The following AOPEP variants were observed in gnomAD, a reference collection of about 807,000 sequenced individuals.
AOPEP encodes the protein aminopeptidase O.
AOPEP carries 77 observed loss-of-function variants against 98.1 expected under a neutral mutation model. That is an observed-to-expected ratio of 0.78 (90% CI 0.65 to 0.95). The LOEUF (loss-of-function observed/expected upper bound fraction) is 0.95. AOPEP is among the 40% of genes least tolerant of loss of function. The probability of loss-of-function intolerance (pLI) is 0.00; values close to 1 mark genes in which losing one functional copy is unlikely to be tolerated. For synonymous variants in AOPEP, 346 were observed against 365.3 expected, an observed-to-expected ratio of 0.95 and a Z score of 0.60; for missense variants, 1,024 against 1,024.7, an observed-to-expected ratio of 1.00 and a Z score of 0.01.
intron 14 of AOPEP, among the ~76,000 whole-genome samples, chr9:95,066,964 T>A (rs1189993003): frequency 6.6e-6 from 1 of 152,184 alleles, no homozygotes. Flanking sequence ...CCACACAACT[T>A]TCTTTGAACA....
chr9:94,992,202 G>A (rs1327587230), intron 11 of AOPEP, among the ~76,000 whole-genome samples: 1 of 152,188 alleles, frequency 6.6e-6, no homozygotes, highest in Non-Finnish European at 1.5e-5. Flanking sequence ...TTGTTGAACT[G>A]CACAGATCCC....
At chr9:94,890,125 T>A (rs1176207483) in intron 5 of AOPEP, among the ~76,000 whole-genome samples, 1 of 152,012 alleles carries the variant, frequency 6.6e-6, no homozygotes, top group Non-Finnish European at 1.5e-5. Flanking sequence ...CCTCTCAGGT[T>A]CAAGCAATTC....
intron 13 of AOPEP, among the ~76,000 whole-genome samples, chr9:95,008,872 T>C (rs2132820613): frequency 6.6e-6 from 1 of 152,372 alleles, no homozygotes; most frequent in South Asian, 2.1e-4. Flanking sequence ...TTTTAGCCCT[T>C]GTTCTCCTGG....
At chr9:95,107,251 G>A in the AOPEP span, 2 of 1,613,990 alleles carry the variant, frequency 1.2e-6, no homozygotes, top group Non-Finnish European at 1.7e-6. Flanking sequence ...AGGTGGCCCA[G>A]CACGGCCTTC....
the AOPEP span, among the ~76,000 whole-genome samples, chr9:95,097,212 A>G: frequency 6.6e-6 from 1 of 152,228 alleles, no homozygotes; most frequent in Non-Finnish European, 1.5e-5. Context: ...GGGCTGTTTC[A>G]TGGGACGCAA....
intron 13 of AOPEP, among the ~76,000 whole-genome samples, chr9:95,045,098 G>A (rs546204238): frequency 2.0e-5 from 3 of 152,346 alleles, no homozygotes; most frequent in South Asian, 2.1e-4. Flanking sequence ...GCGTCACAGC[G>A]CTTGTGCCCA....
At chr9:95,124,404 G>A in the AOPEP span, among the ~76,000 whole-genome samples, 4 of 152,320 alleles carry the variant, frequency 2.6e-5, no homozygotes, top group East Asian at 5.8e-4. Flanking sequence ...CCTGTTTCAC[G>A]AGGTCCCTCT....
chr9:94,876,512 C>G (rs1177833919), intron 5 of AOPEP, among the ~76,000 whole-genome samples: 1 of 151,944 alleles, frequency 6.6e-6, no homozygotes, highest in African/African-American at 2.4e-5. Context: ...ACTACAGGCA[C>G]CCGCCACCAC....
intron 7 of AOPEP, chr9:94,931,611 C>T (rs2055317682): frequency 1.3e-6 from 1 of 751,356 alleles, no homozygotes; most frequent in Non-Finnish European, 2.2e-6. Flanking sequence ...AAAGAAGTCC[C>T]TTAAAAACAA....
At chr9:94,767,632 C>A (rs1306903827) in intron 2 of AOPEP, among the ~76,000 whole-genome samples, 1 of 152,204 alleles carries the variant, frequency 6.6e-6, no homozygotes, top group Non-Finnish European at 1.5e-5. Context: ...TCCATGTACA[C>A]AATCCTATAC....
At chr9:95,121,799 CAT>C in the AOPEP span, among the ~76,000 whole-genome samples, 4 of 151,562 alleles carry the variant, frequency 2.6e-5, no homozygotes, top group Non-Finnish European at 5.9e-5. Flanking sequence ...TTTAGGCAGT[CAT>C]ATATATGTGA....
At chr9:94,791,455 C>T (rs900840387) in intron 3 of AOPEP, among the ~76,000 whole-genome samples, 1 of 151,638 alleles carries the variant, frequency 6.6e-6, no homozygotes, top group Non-Finnish European at 1.5e-5. Context: ...ACTGCTTGAG[C>T]CCAGGAGTTC....
At chr9:94,889,033 C>T (rs1380709934) in intron 5 of AOPEP, among the ~76,000 whole-genome samples, 4 of 152,130 alleles carry the variant, frequency 2.6e-5, no homozygotes, top group Non-Finnish European at 5.9e-5. Flanking sequence ...AACCTCTCCT[C>T]TGTTCTCCTT....
intron 5 of AOPEP, among the ~76,000 whole-genome samples, chr9:94,811,265 G>C (rs1332832485): frequency 3.3e-5 from 5 of 152,144 alleles, no homozygotes; most frequent in Admixed American, 2.6e-4. Flanking sequence ...GTACCAATGT[G>C]TGCTTCTGGG....
At chr9:94,741,798 C>G (rs1833196924) in intron 1 of AOPEP, among the ~76,000 whole-genome samples, 2 of 152,160 alleles carry the variant, frequency 1.3e-5, no homozygotes, top group South Asian at 4.1e-4. Flanking sequence ...ACTGGGGACT[C>G]TGCTCATCAC....
intron 13 of AOPEP, among the ~76,000 whole-genome samples, chr9:95,045,337 C>G (rs1037124582): frequency 7.2e-5 from 11 of 152,316 alleles, no homozygotes; most frequent in Non-Finnish European, 1.5e-4. Context: ...CAGGCTGGGG[C>G]GCGCCCCTGC....
the AOPEP span, chr9:95,101,257 C>T: frequency 2.7e-3 from 789 of 292,462 alleles, 2 homozygotes; most frequent in Non-Finnish European, 4.1e-3. Flanking sequence ...GGCTTTATCC[C>T]AGATCCCTGA....
intron 5 of AOPEP, among the ~76,000 whole-genome samples, chr9:94,858,919 T>TA (rs2044581227): frequency 6.6e-6 from 1 of 151,522 alleles, no homozygotes; most frequent in Non-Finnish European, 1.5e-5. Context: ...TCCCAGCTAC[T>TA]CAGGAGGCTG....
chr9:94,927,539 C>T (rs2054543774), intron 6 of AOPEP, among the ~76,000 whole-genome samples: 1 of 152,174 alleles, frequency 6.6e-6, no homozygotes, highest in East Asian at 1.9e-4. Flanking sequence ...CCTCCCCGGC[C>T]GACTCCTCCT....
Sources: allele counts gnomAD v4.1 joint callset (sites outside exome capture counted in the v4.1 genomes callset), GRCh38; gene constraint gnomAD v4.1.1; transcripts MANE v1.5; gene names NCBI Gene and HGNC (gene_info 2026-07-23, HGNC 2026-07-21).